The following LYZL2 variants were observed in gnomAD, a reference collection of about 807,000 sequenced individuals.
LYZL2 encodes the protein lysozyme-like protein 2.
In LYZL2, 13 loss-of-function variants were observed where a neutral mutation model predicts 17.1. That is an observed-to-expected ratio of 0.76 (90% confidence interval 0.49 to 1.21). The LOEUF (loss-of-function observed/expected upper bound fraction) is 1.21, where lower values mean the gene tolerates loss of function less well. Ranked by LOEUF, LYZL2 falls within the 50% of genes most tolerant of loss-of-function variation. The pLI is 0.00. For missense variants in LYZL2, 166 were observed against 189.2 expected, an observed-to-expected ratio of 0.88 and a Z score of 0.72; for synonymous variants, 63 against 74.4, an observed-to-expected ratio of 0.85 and a Z score of 0.79.
At chr10:30,607,639 A>G (rs185348336), downstream of LYZL2, among the ~76,000 whole-genome samples, 1 of 152,294 alleles carries the variant, frequency 6.6e-6, no homozygotes. Flanking sequence ...CACCTGTTCA[A>G]GGCAGAGTGC....
At chr10:30,625,453 G>C (rs1838687015) in intron 3 of LYZL2, among the ~76,000 whole-genome samples, 1 of 152,020 alleles carries the variant, frequency 6.6e-6, no homozygotes, top group Non-Finnish European at 1.5e-5. Context: ...AAGTCAGACA[G>C]TCACCTTAGG....
At position 30,626,235 on chromosome 10, in the gene LYZL2, G is replaced by T. The variant is rs1335458312; in HGVS notation, c.168C>A (p.Gly56=). The change falls in exon 3 of 5, where the codon GGC becomes GGA. Residue 56 remains glycine, a synonymous_variant. Coordinates refer to ENST00000647634, the MANE Select transcript of LYZL2 (RefSeq NM_183058.3). The part of the protein sequence containing the change: ...NWICMAYYES[G]YNTTAQTVLD... Reference sequence around the variant, plus strand: ...GGACCGTCTGGGCTGTGGTGTTGTAGCCGCTCTCATAATACGCCATGCAGA... The same window carrying T: ...GGACCGTCTGGGCTGTGGTGTTGTATCCGCTCTCATAATACGCCATGCAGA... 6.2e-7 allele frequency: 1 copy of T among 1,614,234 alleles called. No individual in the cohort carries two copies. The highest frequency in any genetic ancestry group is 2.2e-5 in the East Asian group (1 of 44,886).
chr10:30,626,407 AG>A, intron 2 of LYZL2, 144 bp from the exon 3 acceptor site: 2 of 1,343,346 alleles, frequency 1.5e-6, no homozygotes, highest in Non-Finnish European at 2.0e-6. Context: ...GCATGTGCCC[AG>A]GGGGCACACG....
chr10:30,620,038 T>A (rs1239177707), intron 3 of LYZL2, among the ~76,000 whole-genome samples: 4 of 152,344 alleles, frequency 2.6e-5, no homozygotes, highest in Admixed American at 2.6e-4. Context: ...TGCTTCTTCA[T>A]ATGCCAAAAA....
At chr10:30,618,768 A>T (rs1266835681) in intron 3 of LYZL2, among the ~76,000 whole-genome samples, 1 of 152,224 alleles carries the variant, frequency 6.6e-6, no homozygotes, top group African/African-American at 2.4e-5. Context: ...AGGCATGGGC[A>T]AGGACTTCAT....
At chr10:30,627,801 T>A (rs1281790493) in intron 1 of LYZL2, among the ~76,000 whole-genome samples, 1 of 152,178 alleles carries the variant, frequency 6.6e-6, no homozygotes, top group East Asian at 1.9e-4. Flanking sequence ...ACTGGGTGTG[T>A]AGAAACAGAC....
downstream of LYZL2, chr10:30,611,722 G>GAAAGAAAGAAAGAAAGAAAGAA (rs1408469583): frequency 1.4e-4 from 16 of 118,154 alleles, no homozygotes; most frequent in African/African-American, 9.3e-4. Flanking sequence ...AAGAAAGAAA[G>GAAAGAAAGAAAGAAAGAAAGAA]AAAAGAAAAG....
intron 3 of LYZL2, among the ~76,000 whole-genome samples, chr10:30,622,754 A>G (rs1339330771): frequency 1.3e-5 from 2 of 152,176 alleles, no homozygotes; most frequent in African/African-American, 2.4e-5. Flanking sequence ...GGTAGTTGCA[A>G]TCGAAACCAT....
At chr10:30,614,510 C>T (rs1208258870) in intron 3 of LYZL2, among the ~76,000 whole-genome samples, 1 of 152,252 alleles carries the variant, frequency 6.6e-6, no homozygotes, top group African/African-American at 2.4e-5. Flanking sequence ...CATCACACAA[C>T]TGCAGCGGGG....
At chr10:30,615,275 A>G (rs1195690200) in intron 3 of LYZL2, among the ~76,000 whole-genome samples, 1 of 152,250 alleles carries the variant, frequency 6.6e-6, no homozygotes, top group Non-Finnish European at 1.5e-5. Flanking sequence ...AAGTGAAGGA[A>G]GTGAGACCCA....
intron 1 of LYZL2, among the ~76,000 whole-genome samples, chr10:30,628,146 C>T (rs1262454017): frequency 1.3e-5 from 2 of 150,892 alleles, no homozygotes; most frequent in African/African-American, 2.5e-5. Flanking sequence ...GGCGACAGAG[C>T]GAGACTCCGC....
intron 3 of LYZL2, among the ~76,000 whole-genome samples, chr10:30,616,802 A>T (rs1838534511): frequency 6.6e-6 from 1 of 152,230 alleles, no homozygotes; most frequent in Admixed American, 6.5e-5. Context: ...TTCTTCCAAC[A>T]GAGGCCACTT....
intron 3 of LYZL2, among the ~76,000 whole-genome samples, chr10:30,622,520 G>T (rs939447643): frequency 6.6e-6 from 1 of 151,856 alleles, no homozygotes. Flanking sequence ...CTGTACTCCA[G>T]CCTGGGCGAC....
chr10:30,619,681 G>T lies in LYZL2; in HGVS notation c.298+6424C>A, dbSNP rs912328198. Among the ~76,000 whole-genome samples, 25 of 149,768 alleles carry T rather than the reference G, an allele frequency of 1.7e-4. 1 individual carries two copies. The highest frequency in any genetic ancestry group is 3.4e-3 in the Middle Eastern group (1 of 290). ...ATCACACACCGGGGACTGTTGTGGG[G>T]TGGGGGGAGGCGGGAGGGATAGCAT... On this transcript the variant is annotated intron_variant, in intron 3 of 4. Coordinates refer to ENST00000647634, the MANE Select transcript of LYZL2 (RefSeq NM_183058.3).
chr10:30,626,281 A>G lies in LYZL2; in HGVS notation c.140-18T>C. On this transcript the variant is annotated intron_variant, in intron 2 of 4. Transcript: ENST00000647634. ...GCAGATCCCTGGAGGGGGGAAAGCC[A>G]GAAACGCCAGCAAAGGAGGTGCCAT... 1 of 1,612,086 alleles carries G rather than the reference A, an allele frequency of 6.2e-7. No individual in the cohort carries two copies. The highest frequency in any genetic ancestry group is 2.2e-5 in the East Asian group (1 of 44,858).
intron 3 of LYZL2, among the ~76,000 whole-genome samples, chr10:30,617,008 G>A (rs1295163861): frequency 6.6e-6 from 1 of 152,066 alleles, no homozygotes; most frequent in Non-Finnish European, 1.5e-5. Flanking sequence ...TTTATTTCGG[G>A]TGCATAAGTG....
At position 30,612,844 on chromosome 10, in the gene LYZL2, C is replaced by CT; in HGVS notation, c.354dup (p.Glu119ArgfsTer16). Reference sequence around the variant, plus strand: ...TACCAATAGTTCATTCCTTGTGTCTCTTTAACAATTTTCTTGGCACAGATA... The same window carrying CT: ...TACCAATAGTTCATTCCTTGTGTCTCTTTTAACAATTTTCTTGGCACAGATA... On this transcript the variant is annotated frameshift_variant, in exon 4 of 5. Coordinates refer to ENST00000647634, the MANE Select transcript of LYZL2 (RefSeq NM_183058.3). LOFTEE classifies it high-confidence loss of function. 6.2e-7 allele frequency: 1 copy of CT among 1,613,772 alleles called. No individual in the cohort carries two copies. The highest frequency in any genetic ancestry group is 1.3e-5 in the African/African-American group (1 of 75,040).
At chr10:30,622,358 G>A (rs9416926) in intron 3 of LYZL2, among the ~76,000 whole-genome samples, 2,527 of 151,910 alleles carry the variant, frequency 0.017, 54 homozygotes, top group African/African-American at 0.057. Flanking sequence ...CATCCTGGCT[G>A]ACACAGTGAA....
At chr10:30,616,141 C>T (rs949880397) in intron 3 of LYZL2, among the ~76,000 whole-genome samples, 1 of 152,136 alleles carries the variant, frequency 6.6e-6, no homozygotes, top group Non-Finnish European at 1.5e-5. Flanking sequence ...CATGCTATTT[C>T]CTTGAGTTGC....
Sources: allele counts gnomAD v4.1 joint callset (sites outside exome capture counted in the v4.1 genomes callset), GRCh38; gene constraint gnomAD v4.1.1; transcripts MANE v1.5; gene names NCBI Gene and HGNC (gene_info 2026-07-23, HGNC 2026-07-21).